Variants in DMC1 observed in about 807,000 individuals in gnomAD.
The protein encoded by DMC1 is DNA meiotic recombinase 1.
Under a neutral mutation model 50.1 loss-of-function variants are expected in DMC1, and 27 were observed. That is an observed-to-expected ratio of 0.54 (90% confidence interval 0.40 to 0.74). The LOEUF (loss-of-function observed/expected upper bound fraction) is 0.74. Among genes scored for constraint, DMC1 ranks in the 30% least tolerant of loss-of-function variants. DMC1 has a pLI of 0.00. For synonymous variants in DMC1, 148 were observed against 136.1 expected (o/e 1.09, Z -0.61); for missense variants, 295 against 420.2 (o/e 0.70, Z 2.60).
intron 12 of DMC1, among the ~76,000 whole-genome samples, chr22:38,537,277 G>C (rs796935614): frequency 6.6e-6 from 1 of 151,774 alleles, no homozygotes; most frequent in Non-Finnish European, 1.5e-5. Context: ...ACAATGGCGC[G>C]ATCTCGGCTT....
chr22:38,524,827 C>T (rs2090069494), intron 12 of DMC1, among the ~76,000 whole-genome samples: 1 of 152,002 alleles, frequency 6.6e-6, no homozygotes, highest in Admixed American at 6.6e-5. Flanking sequence ...TTTGGGAGGC[C>T]GAGGCGGGCG....
intron 8 of DMC1, among the ~76,000 whole-genome samples, chr22:38,546,294 G>GC (rs34480751): frequency 0.57 from 86,457 of 151,738 alleles, 26,061 homozygotes; most frequent in African/African-American, 0.79. Flanking sequence ...GGAGGCTGAG[G>GC]AGGAGAATCG....
chr22:38,555,524 T>C (rs1305654666), intron 5 of DMC1, 115 bp from the exon 6 acceptor site: 1 of 699,870 alleles, frequency 1.4e-6, no homozygotes, highest in Admixed American at 2.2e-5. Context: ...ATCTATTCTA[T>C]CATCTACCTA....
At chr22:38,511,801 G>T in the DMC1 span, among the ~76,000 whole-genome samples, 2 of 152,098 alleles carry the variant, frequency 1.3e-5, no homozygotes, top group Non-Finnish European at 2.9e-5. Context: ...CCAAATTTTA[G>T]CTGGGCATAT....
At chr22:38,540,139 T>A (rs890258208) in intron 8 of DMC1, among the ~76,000 whole-genome samples, 2 of 151,448 alleles carry the variant, frequency 1.3e-5, no homozygotes, top group African/African-American at 4.8e-5. Flanking sequence ...AGTTGTTAGC[T>A]TTTTTTTTGT....
intron 7 of DMC1, 68 bp from the exon 8 acceptor site, chr22:38,550,065 C>T (rs1291496867): frequency 8.9e-6 from 10 of 1,118,402 alleles, no homozygotes; most frequent in Non-Finnish European, 1.3e-5. Flanking sequence ...TATATAAATA[C>T]ACATGGAATC....
At chr22:38,534,947 A>G (rs1315179845) in intron 12 of DMC1, among the ~76,000 whole-genome samples, 1 of 151,876 alleles carries the variant, frequency 6.6e-6, no homozygotes, top group African/African-American at 2.4e-5. Flanking sequence ...TGGAGGTTGC[A>G]GTGAGCTGAG....
At chr22:38,532,124 A>G (rs1432540903) in intron 12 of DMC1, among the ~76,000 whole-genome samples, 3 of 152,088 alleles carry the variant, frequency 2.0e-5, no homozygotes, top group African/African-American at 7.2e-5. Context: ...CTCTTTTTAA[A>G]ACGAGCCTTA....
intron 8 of DMC1, chr22:38,549,674 A>G (rs2090382489): frequency 2.3e-6 from 1 of 425,658 alleles, no homozygotes; most frequent in Non-Finnish European, 4.2e-6. Flanking sequence ...TAGAGAAGTA[A>G]GAGGATTAAA....
chr22:38,550,279 T>G (rs1343454602), intron 7 of DMC1, among the ~76,000 whole-genome samples: 1 of 152,024 alleles, frequency 6.6e-6, no homozygotes, highest in Non-Finnish European at 1.5e-5. Flanking sequence ...GAAATAAAAT[T>G]TAAATATTAC....
chr22:38,549,499 CT>C, intron 8 of DMC1: 1 of 172,584 alleles, frequency 5.8e-6, no homozygotes, highest in Non-Finnish European at 1.2e-5. Flanking sequence ...TGGCACACAC[CT>C]GTAATCCCAG....
At chr22:38,552,077 G>A (rs1382946649) in intron 7 of DMC1, among the ~76,000 whole-genome samples, 1 of 151,524 alleles carries the variant, frequency 6.6e-6, no homozygotes, top group African/African-American at 2.4e-5. Flanking sequence ...TAGCCAGGAT[G>A]GTCTGGATCT....
chr22:38,522,054 C>CCT (rs2090034790), intron 12 of DMC1, among the ~76,000 whole-genome samples: 1 of 151,672 alleles, frequency 6.6e-6, no homozygotes, highest in Non-Finnish European at 1.5e-5. Flanking sequence ...TGGGTTCAAG[C>CCT]GATTCTCCTG....
rs745528266 is a variant in DMC1, at chr22:38,566,572, A to G, written c.243+18T>C. On this transcript the variant is annotated intron_variant, in intron 4 of 13. Coordinates refer to ENST00000216024, the MANE Select transcript of DMC1 (RefSeq NM_007068.4). ...AGGCCCTGCCAAGCTAAAACAGCAA[A>G]GAATGGATTTTGCTTACAATTAGTT... The G allele has an allele frequency of 6.2e-7, 1 of 1,614,042 alleles. No individual in the cohort carries two copies. The highest frequency in any genetic ancestry group is 2.2e-5 in the East Asian group (1 of 44,882).
At chr22:38,556,486 A>AT (rs2090470141) in intron 5 of DMC1, among the ~76,000 whole-genome samples, 1 of 152,218 alleles carries the variant, frequency 6.6e-6, no homozygotes, top group South Asian at 2.1e-4. Context: ...CATAAACCAA[A>AT]TATTATGGAG....
At chr22:38,541,650 G>A (rs2090282283) in intron 8 of DMC1, among the ~76,000 whole-genome samples, 1 of 152,118 alleles carries the variant, frequency 6.6e-6, no homozygotes, top group South Asian at 2.1e-4. Flanking sequence ...GAGTTGGTCT[G>A]GTGTTATTTT....
chr22:38,539,277 C>A, intron 9 of DMC1, 44 bp downstream of exon 9: 1 of 1,414,016 alleles, frequency 7.1e-7, no homozygotes, highest in Non-Finnish European at 1.0e-6. Flanking sequence ...TCAGTGCTGC[C>A]AACCTTACAT....
At chr22:38,510,305 A>T in the DMC1 span, among the ~76,000 whole-genome samples, 1 of 152,074 alleles carries the variant, frequency 6.6e-6, no homozygotes, top group African/African-American at 2.4e-5. Context: ...AATACAAAAA[A>T]TTAGCCAGGT....
chr22:38,545,273 T>C (rs1302849321), intron 8 of DMC1, among the ~76,000 whole-genome samples: 1 of 152,044 alleles, frequency 6.6e-6, no homozygotes, highest in African/African-American at 2.4e-5. Context: ...TAGCTGGGCA[T>C]GGTGGCACGC....
Sources: gnomAD v4.1 joint callset for allele counts (sites outside exome capture counted in the v4.1 genomes callset) on GRCh38, gnomAD v4.1.1 for gene constraint, MANE v1.5 for transcripts, NCBI Gene and HGNC (gene_info 2026-07-23, HGNC 2026-07-21) for gene names.